SORCS1: variants seen among roughly 807,000 people sequenced by gnomAD.
The protein encoded by SORCS1 is VPS10 domain-containing receptor SorCS1.
SORCS1 carries 60 observed loss-of-function variants against 146.1 expected under a neutral mutation model. The ratio of observed to expected loss-of-function variants is 0.41; its 90% CI spans 0.33 to 0.51. SORCS1 has a LOEUF of 0.51. SORCS1 is among the 20% of genes least tolerant of loss of function. The probability of loss-of-function intolerance (pLI) is 0.21; values close to 1 mark genes in which losing one functional copy is unlikely to be tolerated. For missense variants in SORCS1, 1,352 were observed against 1,487.6 expected (o/e 0.91, Z 1.50); for synonymous variants, 637 against 584.0 (o/e 1.09, Z -1.31).
intron 1 of SORCS1, among the ~76,000 whole-genome samples, chr10:107,043,853 T>G (rs1164488478): frequency 6.6e-6 from 1 of 152,224 alleles, no homozygotes; most frequent in Non-Finnish European, 1.5e-5. Flanking sequence ...TGTGTCTATG[T>G]TCAACACATA....
intron 1 of SORCS1, among the ~76,000 whole-genome samples, chr10:107,077,045 C>T (rs1381594905): frequency 2.0e-5 from 3 of 152,104 alleles, no homozygotes; most frequent in Non-Finnish European, 2.9e-5. Flanking sequence ...GACTCTACCT[C>T]GGAGGGATCT....
At chr10:106,870,788 C>T (rs1037848192) in intron 2 of SORCS1, among the ~76,000 whole-genome samples, 1 of 152,130 alleles carries the variant, frequency 6.6e-6, no homozygotes, top group African/African-American at 2.4e-5. Flanking sequence ...GCAAAGATTG[C>T]ATGACAAAGA....
intron 1 of SORCS1, among the ~76,000 whole-genome samples, chr10:107,094,846 C>T (rs531300388): frequency 2.4e-4 from 36 of 152,162 alleles, no homozygotes; most frequent in Non-Finnish European, 4.3e-4. Flanking sequence ...GTCCCTGACA[C>T]AGCCAGCCCC....
chr10:106,682,630 G>C (rs912486282), intron 10 of SORCS1, among the ~76,000 whole-genome samples: 1 of 152,166 alleles, frequency 6.6e-6, no homozygotes, highest in Non-Finnish European at 1.5e-5. Context: ...ACAGGACAAA[G>C]CTCTCCAGTC....
chr10:107,142,194 T>C (rs2134726477), intron 1 of SORCS1, among the ~76,000 whole-genome samples: 1 of 152,300 alleles, frequency 6.6e-6, no homozygotes, highest in East Asian at 1.9e-4. Flanking sequence ...GTGCAGCCTT[T>C]GGCAGAGGTT....
At chr10:107,156,979 G>C (rs1209506090) in intron 1 of SORCS1, among the ~76,000 whole-genome samples, 4 of 152,106 alleles carry the variant, frequency 2.6e-5, no homozygotes, top group African/African-American at 9.7e-5. Flanking sequence ...TAATTTCAGT[G>C]GTTTAAACAA....
intron 5 of SORCS1, among the ~76,000 whole-genome samples, chr10:106,739,776 C>T (rs1197278033): frequency 6.6e-6 from 1 of 151,584 alleles, no homozygotes; most frequent in African/African-American, 2.4e-5. Context: ...GTGGTGAAAC[C>T]CCGTCTCTAC....
chr10:107,090,149 C>G lies in SORCS1; in HGVS notation c.558+73820G>C, dbSNP rs548831889. Among the ~76,000 whole-genome samples the G allele has an allele frequency of 2.0e-5, 3 of 152,334 alleles. No homozygotes were observed. The South Asian group carries it at 6.2e-4, about 32-fold the overall frequency. ...GATGAACCAGCCTTCTTAATCTCTT[C>G]CCACTCATTCACGATTCCTTGTACA... On this transcript the variant is annotated intron_variant, in intron 1 of 25. Transcript: ENST00000263054.
chr10:106,811,215 G>A (rs1018606322), intron 3 of SORCS1, among the ~76,000 whole-genome samples: 24 of 152,222 alleles, frequency 1.6e-4, no homozygotes, highest in African/African-American at 5.8e-4. Flanking sequence ...GGGATTACAG[G>A]CATGAGCCAC....
chr10:106,734,699 A>G (rs1856826693), intron 5 of SORCS1, among the ~76,000 whole-genome samples: 1 of 152,212 alleles, frequency 6.6e-6, no homozygotes, highest in Admixed American at 6.5e-5. Flanking sequence ...ATAAGTTAAC[A>G]TAATTTTTTC....
chr10:106,703,334 G>A (rs767786637), intron 8 of SORCS1, among the ~76,000 whole-genome samples: 66 of 151,782 alleles, frequency 4.3e-4, no homozygotes, highest in African/African-American at 1.4e-3. Flanking sequence ...CTTCCACCAC[G>A]GAGACAACTA....
At chr10:106,994,171 A>AGT (rs1956900320) in intron 1 of SORCS1, among the ~76,000 whole-genome samples, 1 of 152,180 alleles carries the variant, frequency 6.6e-6, no homozygotes, top group East Asian at 1.9e-4. Context: ...AGCCCATTAA[A>AGT]ACTAATTAAA....
intron 5 of SORCS1, among the ~76,000 whole-genome samples, chr10:106,733,123 A>AAC (rs1458847868): frequency 1.3e-5 from 2 of 150,136 alleles, no homozygotes; most frequent in African/African-American, 4.9e-5. Context: ...AAAGAAAAGA[A>AAC]AAGAAAAGAA....
chr10:106,941,215 T>G (rs920570009), intron 2 of SORCS1, among the ~76,000 whole-genome samples: 2 of 152,140 alleles, frequency 1.3e-5, no homozygotes, highest in Non-Finnish European at 2.9e-5. Flanking sequence ...GTAGGCAAAT[T>G]GAATAGAAGG....
chr10:106,868,171 C>A (rs912785363), intron 2 of SORCS1, among the ~76,000 whole-genome samples: 1 of 152,126 alleles, frequency 6.6e-6, no homozygotes, highest in African/African-American at 2.4e-5. Flanking sequence ...TATATACACA[C>A]CCAACACAGG....
chr10:106,954,109 T>G (rs533470390), intron 2 of SORCS1, among the ~76,000 whole-genome samples: 3 of 152,328 alleles, frequency 2.0e-5, no homozygotes, highest in African/African-American at 7.2e-5. Context: ...GAACCTGAGC[T>G]TCCACAGTCT....
intron 1 of SORCS1, among the ~76,000 whole-genome samples, chr10:107,144,750 C>A (rs537671028): frequency 6.6e-6 from 1 of 152,224 alleles, no homozygotes. Context: ...TCCTCTCCCC[C>A]TTCGGCACAG....
At chr10:107,165,043 T>C (rs533091729), upstream of SORCS1, among the ~76,000 whole-genome samples, 1 of 151,970 alleles carries the variant, frequency 6.6e-6, no homozygotes, top group African/African-American at 2.4e-5. The surrounding 1 kb of genome is among the most constrained non-coding windows in gnomAD (Gnocchi z 4.0). Flanking sequence ...GCAGTCGATG[T>C]GTCGGGAGCT....
intron 3 of SORCS1, among the ~76,000 whole-genome samples, chr10:106,811,028 C>T (rs1222248210): frequency 6.6e-5 from 10 of 151,794 alleles, no homozygotes; most frequent in Non-Finnish European, 1.0e-4. Context: ...GCAACCTCCG[C>T]CTCCTGGGTT....
Sources: allele counts gnomAD v4.1 joint callset (sites outside exome capture counted in the v4.1 genomes callset), GRCh38; gene constraint gnomAD v4.1.1; non-coding constraint Gnocchi (gnomAD v3.1); transcripts MANE v1.5; gene names NCBI Gene and HGNC (gene_info 2026-07-23, HGNC 2026-07-21).